The following SLC24A2 variants were observed in gnomAD, a reference collection of about 807,000 sequenced individuals.
SLC24A2 encodes sodium/potassium/calcium exchanger 2.
In SLC24A2, 36 loss-of-function variants were observed where a neutral mutation model predicts 62.0. That is an observed-to-expected ratio of 0.58 (90% CI 0.44 to 0.77). SLC24A2 has a LOEUF of 0.77. SLC24A2 is among the 30% of genes least tolerant of loss of function. The pLI is 0.00. For missense variants in SLC24A2, 846 were observed against 817.9 expected, an observed-to-expected ratio of 1.03 and a Z score of -0.42; for synonymous variants, 358 against 294.0, an observed-to-expected ratio of 1.22 and a Z score of -2.23.
At chr9:20,161,403 C>G in the SLC24A2 span, among the ~76,000 whole-genome samples, 1 of 151,092 alleles carries the variant, frequency 6.6e-6, no homozygotes, top group Non-Finnish European at 1.5e-5. Flanking sequence ...GATACAGGAA[C>G]CTGATTTTTA....
chr9:20,007,028 C>T, the SLC24A2 span, among the ~76,000 whole-genome samples: 1 of 152,160 alleles, frequency 6.6e-6, no homozygotes, highest in Non-Finnish European at 1.5e-5. Context: ...TTGCTTTCTA[C>T]TGTGGGTGTT....
chr9:19,550,249 T>C lies in SLC24A2; in HGVS notation c.1367A>G (p.Asp456Gly), dbSNP rs112509799. The stretch of plus-strand genomic sequence containing the variant: ...AGGCCAGGCAAGGCTGAGAGGCTGG[T>C]CCTCCTCCTCATCAGCGGTCTGTGG... The part of the protein sequence containing the change: ...AEAQTADEEE[D>G]QPLSLAWPSE... Residue 456 changes from aspartate to glycine, a missense_variant, in exon 8 of 11, where the codon GAC becomes GGC. Physicochemically the swap from Asp to Gly is moderately conservative, Grantham distance 94. Transcript: ENST00000341998. 1 of 1,613,816 alleles carries C rather than the reference T, an allele frequency of 6.2e-7. No individual in the cohort carries two copies. Among genetic ancestry groups the C allele is most frequent in the East Asian group, 2.2e-5 (1 of 44,884 alleles).
At chr9:20,278,689 C>T in the SLC24A2 span, among the ~76,000 whole-genome samples, 26 of 152,198 alleles carry the variant, frequency 1.7e-4, no homozygotes, top group African/African-American at 5.1e-4. Context: ...GTCCTGTCTT[C>T]GGAGCCCTCC....
the SLC24A2 span, among the ~76,000 whole-genome samples, chr9:20,279,489 C>T: frequency 1.3e-5 from 2 of 152,170 alleles, no homozygotes; most frequent in South Asian, 4.1e-4. Context: ...TGAGATCACG[C>T]CATTGCACTC....
intron 2 of SLC24A2, among the ~76,000 whole-genome samples, chr9:19,781,735 G>C (rs1823026568): frequency 6.6e-6 from 1 of 152,094 alleles, no homozygotes; most frequent in South Asian, 2.1e-4. Context: ...AATCTATCAA[G>C]TAATACATCT....
chr9:19,623,403 A>C (rs929173622), intron 2 of SLC24A2, among the ~76,000 whole-genome samples: 81 of 152,276 alleles, frequency 5.3e-4, no homozygotes, highest in African/African-American at 1.9e-3. Context: ...TAAAACCTTC[A>C]TGTGCTCTAG....
chr9:19,598,319 G>C (rs901774892), intron 4 of SLC24A2, among the ~76,000 whole-genome samples: 1 of 152,174 alleles, frequency 6.6e-6, no homozygotes, highest in Non-Finnish European at 1.5e-5. Flanking sequence ...TGGGCCAGCT[G>C]CTGGGAATCC....
the SLC24A2 span, among the ~76,000 whole-genome samples, chr9:20,260,842 A>ATTTTT: frequency 2.4e-5 from 3 of 124,966 alleles, no homozygotes; most frequent in Admixed American, 9.5e-5. Context: ...CCAACGTATC[A>ATTTTT]TTCTTTCTTT....
At chr9:20,214,816 T>C in the SLC24A2 span, among the ~76,000 whole-genome samples, 2 of 152,152 alleles carry the variant, frequency 1.3e-5, no homozygotes, top group African/African-American at 4.8e-5. Context: ...CACATAAAGC[T>C]TCTCACATAA....
chr9:19,915,298 C>A, the SLC24A2 span, among the ~76,000 whole-genome samples: 11 of 152,108 alleles, frequency 7.2e-5, no homozygotes, highest in African/African-American at 1.9e-4. Context: ...TATTTCATTG[C>A]ATGAATATAC....
chr9:19,848,426 A>G, the SLC24A2 span, among the ~76,000 whole-genome samples: 2 of 152,182 alleles, frequency 1.3e-5, no homozygotes, highest in Non-Finnish European at 2.9e-5. Context: ...CTTCACTTAT[A>G]AAATAAGCAA....
the SLC24A2 span, among the ~76,000 whole-genome samples, chr9:20,144,881 T>C: frequency 6.6e-6 from 1 of 152,296 alleles, no homozygotes; most frequent in Admixed American, 6.5e-5. Context: ...GTTCATTTCA[T>C]TCTGATAGTT....
At chr9:19,679,537 T>G (rs1406124664) in intron 2 of SLC24A2, among the ~76,000 whole-genome samples, 2 of 152,118 alleles carry the variant, frequency 1.3e-5, no homozygotes, top group African/African-American at 4.8e-5. Flanking sequence ...GGATTAGCAT[T>G]TGACTCAGTA....
At chr9:19,589,690 A>G (rs1219175338) in intron 5 of SLC24A2, among the ~76,000 whole-genome samples, 1 of 152,166 alleles carries the variant, frequency 6.6e-6, no homozygotes, top group Non-Finnish European at 1.5e-5. Context: ...TTGGATATGA[A>G]CTAGATCAAA....
At chr9:20,099,564 A>T in the SLC24A2 span, among the ~76,000 whole-genome samples, 1 of 152,160 alleles carries the variant, frequency 6.6e-6, no homozygotes. Context: ...CCAGGAGGAT[A>T]AAAGGAAGAC....
chr9:20,172,152 A>C, the SLC24A2 span, among the ~76,000 whole-genome samples: 1 of 152,058 alleles, frequency 6.6e-6, no homozygotes, highest in African/African-American at 2.4e-5. Context: ...AAATTAAAAA[A>C]TTCTTCAAAC....
chr9:19,728,862 G>C (rs754765917), intron 2 of SLC24A2, among the ~76,000 whole-genome samples: 1 of 152,120 alleles, frequency 6.6e-6, no homozygotes, highest in African/African-American at 2.4e-5. Flanking sequence ...CATTGAGGCT[G>C]AGACTAAAAA....
the SLC24A2 span, among the ~76,000 whole-genome samples, chr9:19,960,470 T>C: frequency 2.6e-5 from 4 of 152,226 alleles, no homozygotes; most frequent in Admixed American, 1.3e-4. Flanking sequence ...AGGAAGAGAA[T>C]GGAATTTTGA....
chr9:19,597,563 A>G (rs1045032387), intron 4 of SLC24A2, among the ~76,000 whole-genome samples: 12 of 152,208 alleles, frequency 7.9e-5, no homozygotes, highest in African/African-American at 2.9e-4. Context: ...TTTGGCAAAG[A>G]TAACTTCACC....
Sources: gnomAD v4.1 joint callset for allele counts (sites outside exome capture counted in the v4.1 genomes callset) on GRCh38, gnomAD v4.1.1 for gene constraint, MANE v1.5 for transcripts, NCBI Gene and HGNC (gene_info 2026-07-23, HGNC 2026-07-21) for gene names.